Variants in PSD3 observed in about 807,000 individuals in gnomAD.
PSD3 encodes the protein PH and SEC7 domain-containing protein 3.
PSD3 carries 49 observed loss-of-function variants against 105.5 expected under a neutral mutation model. That is an observed-to-expected ratio of 0.46 (90% CI 0.37 to 0.59). The LOEUF is 0.59. Ranked by LOEUF, PSD3 falls within the 20% of genes least tolerant of loss-of-function variation. The pLI is 0.00. For missense variants in PSD3, 1,561 were observed against 1,263.8 expected (o/e 1.24, Z -3.57); for synonymous variants, 557 against 457.8 (o/e 1.22, Z -2.77).
At chr8:18,737,051 T>C (rs1202128376) in intron 9 of PSD3, among the ~76,000 whole-genome samples, 1 of 152,212 alleles carries the variant, frequency 6.6e-6, no homozygotes, top group Middle Eastern at 3.2e-3. Context: ...TCTGCTTTTG[T>C]GGTTTAGTTG....
At chr8:18,612,297 G>C (rs1251062219) in intron 11 of PSD3, among the ~76,000 whole-genome samples, 2 of 152,096 alleles carry the variant, frequency 1.3e-5, no homozygotes, top group East Asian at 3.9e-4. Context: ...AGTTACTTCA[G>C]GTTGACATTT....
chr8:18,721,196 G>A (rs188002760), intron 9 of PSD3: 1 of 151,740 alleles, frequency 6.6e-6, no homozygotes, highest in Admixed American at 6.6e-5. Flanking sequence ...AAAACAAGGT[G>A]TGTGCAATTT....
chr8:18,604,568 G>A (rs143948505), intron 11 of PSD3, among the ~76,000 whole-genome samples: 1 of 152,162 alleles, frequency 6.6e-6, no homozygotes, highest in East Asian at 1.9e-4. Flanking sequence ...ATTTTCAGAA[G>A]AGGAATTCAA....
At chr8:18,783,575 T>C (rs1808842511) in intron 8 of PSD3, among the ~76,000 whole-genome samples, 1 of 152,234 alleles carries the variant, frequency 6.6e-6, no homozygotes, top group Non-Finnish European at 1.5e-5. Context: ...AGCAATAATT[T>C]GCAATTTGGC....
intron 11 of PSD3, among the ~76,000 whole-genome samples, chr8:18,606,746 G>A (rs553934892): frequency 6.6e-6 from 1 of 151,884 alleles, no homozygotes; most frequent in African/African-American, 2.4e-5. Flanking sequence ...AACATGAATA[G>A]AGGCATACGA....
chr8:18,624,071 T>C (rs796169656), intron 11 of PSD3, among the ~76,000 whole-genome samples: 1 of 152,214 alleles, frequency 6.6e-6, no homozygotes, highest in Non-Finnish European at 1.5e-5. Context: ...TGAGCTATTA[T>C]AATGTTGCTA....
chr8:18,812,188 C>T (rs1319416958), intron 4 of PSD3, among the ~76,000 whole-genome samples: 3 of 152,136 alleles, frequency 2.0e-5, no homozygotes, highest in African/African-American at 7.2e-5. Context: ...GATGTTGACG[C>T]TGAACTAGCT....
At chr8:18,924,997 C>G (rs73666755) in intron 2 of PSD3, among the ~76,000 whole-genome samples, 2,243 of 152,164 alleles carry the variant, frequency 0.015, 53 homozygotes, top group African/African-American at 0.05. Context: ...AAATTAAAAC[C>G]TTTTGTACTA....
Position 19,065,200 on chromosome 8 carries a change from A to AG in PSD3, c.324+19005dup, listed in dbSNP as rs569317639. ...ATCTTTTTCTGCCTATAAAACTCTG[A>AG]GGGGAAAAAACACAAATTAGGTTTT... On this transcript the variant is annotated intron_variant, in intron 1 of 1. Transcript: ENST00000521475. 1.2e-3 allele frequency among the ~76,000 whole-genome samples: 186 copies of AG among 152,252 alleles called. 4 individuals are homozygous for AG. The South Asian group carries it at 0.037, about 31-fold the overall frequency.
intron 9 of PSD3, among the ~76,000 whole-genome samples, chr8:18,664,808 C>A (rs1799349456): frequency 6.6e-6 from 1 of 152,216 alleles, no homozygotes; most frequent in African/African-American, 2.4e-5. Context: ...TGACCTTAAG[C>A]TGAAGCCAAT....
intron 1 of PSD3, among the ~76,000 whole-genome samples, chr8:19,008,050 C>G (rs1826775256): frequency 8.1e-5 from 1 of 12,410 alleles, no homozygotes; most frequent in African/African-American, 1.2e-4. Context: ...ACCATGACAG[C>G]CAGGCTGGTC....
chr8:18,827,342 C>T (rs750884705), intron 4 of PSD3, among the ~76,000 whole-genome samples: 1 of 152,108 alleles, frequency 6.6e-6, no homozygotes, highest in Non-Finnish European at 1.5e-5. Context: ...GGATAGGTCA[C>T]AGAAGACAGA....
chr8:18,690,985 T>C (rs1481298044), intron 9 of PSD3, among the ~76,000 whole-genome samples: 2 of 151,730 alleles, frequency 1.3e-5, no homozygotes, highest in East Asian at 3.9e-4. Flanking sequence ...ACAATCACTA[T>C]AAGAATTGGC....
At chr8:18,863,590 C>T (rs912898300) in intron 4 of PSD3, among the ~76,000 whole-genome samples, 1 of 152,160 alleles carries the variant, frequency 6.6e-6, no homozygotes, top group Non-Finnish European at 1.5e-5. Flanking sequence ...AAAGTAATTG[C>T]AGTATTGCCA....
intron 1 of PSD3, among the ~76,000 whole-genome samples, chr8:18,981,718 G>GCA (rs2129472821): frequency 6.6e-6 from 1 of 152,264 alleles, no homozygotes; most frequent in South Asian, 2.1e-4. Context: ...TCTATTAACT[G>GCA]TGGAAGAGCA....
At chr8:18,977,653 A>C (rs1314721263) in intron 1 of PSD3, among the ~76,000 whole-genome samples, 2 of 152,236 alleles carry the variant, frequency 1.3e-5, no homozygotes, top group Non-Finnish European at 2.9e-5. Flanking sequence ...AAATGTTAGT[A>C]AAAAACAGTA....
intron 9 of PSD3, among the ~76,000 whole-genome samples, chr8:18,698,239 C>T (rs1801372465): frequency 6.6e-6 from 1 of 152,080 alleles, no homozygotes; most frequent in African/African-American, 2.4e-5. Flanking sequence ...GCTAGGTCTA[C>T]AGGCACATGC....
chr8:18,588,518 T>A (rs1039527401), intron 12 of PSD3, among the ~76,000 whole-genome samples: 2 of 152,342 alleles, frequency 1.3e-5, no homozygotes, highest in East Asian at 3.9e-4. Context: ...TTCTTATGAT[T>A]TAACTGAAAT....
chr8:18,568,520 C>T (rs1801936192), intron 14 of PSD3, among the ~76,000 whole-genome samples: 1 of 152,048 alleles, frequency 6.6e-6, no homozygotes, highest in Admixed American at 6.5e-5. Context: ...GCTGTCCAAG[C>T]CACAATGACA....
Sources: allele counts gnomAD v4.1 joint callset (sites outside exome capture counted in the v4.1 genomes callset), GRCh38; gene constraint gnomAD v4.1.1; transcripts MANE v1.5; gene names NCBI Gene and HGNC (gene_info 2026-07-23, HGNC 2026-07-21).